The following ANAPC10 variants were observed in gnomAD, a reference collection of about 807,000 sequenced individuals.
The protein encoded by ANAPC10 is anaphase-promoting complex subunit 10.
In ANAPC10, 12 loss-of-function variants were observed where a neutral mutation model predicts 22.0. The observed-to-expected ratio is 0.55, with a 90% confidence interval of 0.35 to 0.88. The LOEUF (loss-of-function observed/expected upper bound fraction) is 0.88. Ranked by LOEUF, ANAPC10 falls within the 40% of genes least tolerant of loss-of-function variation. The probability of loss-of-function intolerance (pLI) is 0.01; values close to 1 mark genes in which losing one functional copy is unlikely to be tolerated. For missense variants in ANAPC10, 188 were observed against 220.9 expected (o/e 0.85, Z 0.94); for synonymous variants, 65 against 69.5 (o/e 0.94, Z 0.32).
At chr4:145,012,001 T>G (rs1277649456) in intron 4 of ANAPC10, among the ~76,000 whole-genome samples, 1 of 151,874 alleles carries the variant, frequency 6.6e-6, no homozygotes, top group Non-Finnish European at 1.5e-5. Flanking sequence ...GCAAAGCAGC[T>G]TCCACTGCAA....
intron 4 of ANAPC10, among the ~76,000 whole-genome samples, chr4:145,057,479 T>C (rs867158914): frequency 6.6e-6 from 1 of 152,188 alleles, no homozygotes; most frequent in East Asian, 1.9e-4. Flanking sequence ...AACCTTTTCC[T>C]ATCCAACTCT....
intron 4 of ANAPC10, among the ~76,000 whole-genome samples, chr4:145,005,510 T>A (rs973523443): frequency 6.6e-6 from 1 of 152,126 alleles, no homozygotes; most frequent in Non-Finnish European, 1.5e-5. Context: ...AGACTTGGGG[T>A]TGGTTTGCTC....
At position 145,030,818 on chromosome 4, in the gene ANAPC10, A is replaced by C. The variant is rs564514310; in HGVS notation, c.327+33754T>G. Among the ~76,000 whole-genome samples, 8 of 152,332 alleles carry C rather than the reference A, an allele frequency of 5.3e-5. No individual in the cohort carries two copies. The East Asian group carries it at 1.5e-3, about 29-fold the overall frequency. On this transcript the variant is annotated intron_variant, in intron 4 of 4. Coordinates refer to ENST00000507656, the MANE Select transcript of ANAPC10 (RefSeq NM_001256706.2). The stretch of plus-strand genomic sequence containing the variant: ...AGTATCACATCCCTGGAGGGGTTGC[A>C]AAGATTAGTGCCACCATCAAGGACT...
chr4:145,053,769 T>C, intron 4 of ANAPC10: 2 of 655,814 alleles, frequency 3.0e-6, no homozygotes, highest in Non-Finnish European at 5.5e-6. Context: ...CATTCACATG[T>C]AAAACATGAG....
chr4:145,021,135 C>G (rs184817104), intron 4 of ANAPC10, among the ~76,000 whole-genome samples: 1 of 152,230 alleles, frequency 6.6e-6, no homozygotes, highest in East Asian at 1.9e-4. Context: ...CAATCCCCAT[C>G]AAAATACCAT....
chr4:145,081,884 T>G (rs1746078721), intron 2 of ANAPC10, 134 bp from the exon 3 acceptor site: 4 of 696,148 alleles, frequency 5.7e-6, no homozygotes, highest in Non-Finnish European at 9.7e-6. Flanking sequence ...TTTTTTTTAT[T>G]TATTTTTTGT....
In ANAPC10 at chr4:144,995,376, C is replaced by T; in HGVS notation, c.555G>A (p.Arg185=). 1 of 1,598,262 alleles carries T rather than the reference C, an allele frequency of 6.3e-7. No homozygotes were observed. Among genetic ancestry groups the T allele is most frequent in the South Asian group, 1.1e-5 (1 of 89,704 alleles). ...TIDFMMYRSI[R] ...TGATTTTCGTCTCATTTTAAAGTCA[C>T]CTTATTGAACGATACATCATGAAAT... Residue 185 remains arginine, a synonymous_variant, in exon 5 of 5, where the codon AGG becomes AGA. Transcript: ENST00000507656.
At chr4:145,003,882 C>T (rs1732953735) in intron 4 of ANAPC10, among the ~76,000 whole-genome samples, 1 of 152,144 alleles carries the variant, frequency 6.6e-6, no homozygotes, top group Non-Finnish European at 1.5e-5. Context: ...TGAACAATGT[C>T]ATTGGTAATT....
intron 4 of ANAPC10, among the ~76,000 whole-genome samples, chr4:145,034,545 G>GTA (rs1198767539): frequency 3.7e-5 from 4 of 106,838 alleles, no homozygotes; most frequent in African/African-American, 1.2e-4. Context: ...ATATATATAT[G>GTA]TGTGTGTGTG....
In ANAPC10 at chr4:145,080,006, C is replaced by T. The variant is rs867270395; in HGVS notation, c.206+1654G>A. On this transcript the variant is annotated intron_variant, in intron 3 of 4. Coordinates refer to ENST00000507656, the MANE Select transcript of ANAPC10 (RefSeq NM_001256706.2). ...GCAGGCACCTGTAATCCCAGCTACT[C>T]GGGATCCTGAGGCAGGAGAATCACT... 8.0e-5 allele frequency among the ~76,000 whole-genome samples: 12 copies of T among 149,562 alleles called. 1 individual carries two copies. In the East Asian group the frequency reaches 1.2e-3, roughly 15 times the overall value.
At chr4:145,015,261 C>T (rs962029033) in intron 4 of ANAPC10, among the ~76,000 whole-genome samples, 6 of 151,760 alleles carry the variant, frequency 4.0e-5, no homozygotes, top group South Asian at 2.1e-4. Flanking sequence ...AACTTCAGGA[C>T]GCATTGGATA....
At chr4:144,995,757 T>C (rs1205495740) in intron 4 of ANAPC10, among the ~76,000 whole-genome samples, 154 bp from the exon 5 acceptor site, 1 of 152,184 alleles carries the variant, frequency 6.6e-6, no homozygotes, top group Non-Finnish European at 1.5e-5. Flanking sequence ...TTGGACACTT[T>C]TACCATGGTC....
intron 4 of ANAPC10, among the ~76,000 whole-genome samples, chr4:144,997,083 C>T (rs1176502496): frequency 1.3e-5 from 2 of 152,140 alleles, no homozygotes; most frequent in African/African-American, 2.4e-5. Context: ...AAATATGGTA[C>T]TATGTGAAAA....
intron 4 of ANAPC10, among the ~76,000 whole-genome samples, chr4:145,017,859 A>G (rs1183286739): frequency 2.0e-5 from 3 of 151,720 alleles, no homozygotes; most frequent in South Asian, 2.1e-4. Flanking sequence ...TCAGCAAACT[A>G]TCTCAAGGAT....
intron 2 of ANAPC10, among the ~76,000 whole-genome samples, chr4:145,095,446 T>C (rs1322696948): frequency 6.6e-6 from 1 of 152,204 alleles, no homozygotes; most frequent in Non-Finnish European, 1.5e-5. Context: ...GTATACTACC[T>C]GACCGTTAGC....
intron 4 of ANAPC10, among the ~76,000 whole-genome samples, chr4:145,007,900 G>A (rs1472327305): frequency 6.6e-6 from 1 of 151,654 alleles, no homozygotes; most frequent in Non-Finnish European, 1.5e-5. Flanking sequence ...TCCAGGAGCT[G>A]GTTTTTTGAA....
intron 3 of ANAPC10, among the ~76,000 whole-genome samples, chr4:145,067,215 A>C (rs1208250197): frequency 6.6e-6 from 1 of 152,210 alleles, no homozygotes; most frequent in African/African-American, 2.4e-5. Flanking sequence ...ATAGCAATGC[A>C]TGTCATAAGA....
chr4:145,045,280 A>G (rs141271949), intron 4 of ANAPC10, among the ~76,000 whole-genome samples: 191 of 152,228 alleles, frequency 1.3e-3, no homozygotes, highest in African/African-American at 3.9e-3. Flanking sequence ...CTGGAATCCA[A>G]TAAGACAGAC....
chr4:145,005,811 T>C (rs557769287), intron 4 of ANAPC10, among the ~76,000 whole-genome samples: 2 of 152,298 alleles, frequency 1.3e-5, no homozygotes, highest in African/African-American at 4.8e-5. Flanking sequence ...TATTGCATTG[T>C]AGTCTAAGGA....
Sources: allele counts gnomAD v4.1 joint callset (sites outside exome capture counted in the v4.1 genomes callset), GRCh38; gene constraint gnomAD v4.1.1; transcripts MANE v1.5; gene names NCBI Gene and HGNC (gene_info 2026-07-23, HGNC 2026-07-21).